CUX2: variants seen among roughly 807,000 people sequenced by gnomAD.
CUX2 encodes cut like homeobox 2.
CUX2 carries 40 observed loss-of-function variants against 144.8 expected under a neutral mutation model. The observed-to-expected ratio is 0.28, with a 90% CI of 0.21 to 0.36. The LOEUF (loss-of-function observed/expected upper bound fraction) is 0.36, where lower values mean the gene tolerates loss of function less well. CUX2 is among the 10% of genes least tolerant of loss of function. The pLI is 1.00. For missense variants in CUX2, 1,615 were observed against 1,994.0 expected, an observed-to-expected ratio of 0.81 and a Z score of 3.62; for synonymous variants, 827 against 875.6, an observed-to-expected ratio of 0.94 and a Z score of 0.98.
intron 1 of CUX2, among the ~76,000 whole-genome samples, chr12:111,138,598 C>G (rs1387548694): frequency 6.6e-6 from 1 of 152,120 alleles, no homozygotes; most frequent in Non-Finnish European, 1.5e-5. Flanking sequence ...TTAAGAATCC[C>G]CCATCCCTAC....
intron 3 of CUX2, among the ~76,000 whole-genome samples, chr12:111,222,834 T>C (rs1201702430): frequency 6.6e-6 from 1 of 152,170 alleles, no homozygotes; most frequent in Non-Finnish European, 1.5e-5. Flanking sequence ...GGAATTCGTG[T>C]GGCATGATCA....
chr12:111,100,193 G>GTGTGTGTGTA, intron 1 of CUX2: 1 of 391,590 alleles, frequency 2.6e-6, no homozygotes, highest in Middle Eastern at 7.6e-4. Flanking sequence ...GTGTGTGTGT[G>GTGTGTGTGTA]TGTGTGTGTA....
At chr12:111,083,158 A>G (rs1429125983) in intron 1 of CUX2, among the ~76,000 whole-genome samples, 1 of 152,136 alleles carries the variant, frequency 6.6e-6, no homozygotes, top group Middle Eastern at 3.2e-3. Context: ...ATTGGGGGTC[A>G]CGAGCGACCT....
chr12:111,238,038 CG>C (rs1882844929), intron 3 of CUX2, among the ~76,000 whole-genome samples: 1 of 152,212 alleles, frequency 6.6e-6, no homozygotes, highest in Non-Finnish European at 1.5e-5. Context: ...GATGTCCCCT[CG>C]GGGACCAAAT....
At chr12:111,141,421 C>T (rs758000560) in intron 1 of CUX2, among the ~76,000 whole-genome samples, 23 of 152,154 alleles carry the variant, frequency 1.5e-4, no homozygotes, top group Non-Finnish European at 3.4e-4. Flanking sequence ...GCTAACTCCT[C>T]GGACTAAACA....
intron 1 of CUX2, among the ~76,000 whole-genome samples, chr12:111,056,879 G>T (rs1218998335): frequency 6.6e-6 from 1 of 152,230 alleles, no homozygotes; most frequent in African/African-American, 2.4e-5. Flanking sequence ...GGCAGGAAGT[G>T]GCTGAGCAGG....
chr12:111,297,489 C>G (rs1298001499), intron 8 of CUX2, among the ~76,000 whole-genome samples: 1 of 152,226 alleles, frequency 6.6e-6, no homozygotes, highest in Non-Finnish European at 1.5e-5. Flanking sequence ...TGTCCTGGGA[C>G]CTGGGCTGAG....
intron 1 of CUX2, among the ~76,000 whole-genome samples, chr12:111,112,816 G>A (rs896823839): frequency 1.3e-5 from 2 of 152,102 alleles, no homozygotes; most frequent in African/African-American, 2.4e-5. Flanking sequence ...AACCCTTTTG[G>A]AATGTGGACA....
chr12:111,173,313 C>T (rs181503311), intron 1 of CUX2, among the ~76,000 whole-genome samples: 92 of 152,308 alleles, frequency 6.0e-4, no homozygotes, highest in African/African-American at 2.0e-3. Flanking sequence ...CAAATGGGGA[C>T]GGGGACAGGG....
chr12:111,271,337 C>T (rs952475384), intron 4 of CUX2, among the ~76,000 whole-genome samples: 2 of 152,140 alleles, frequency 1.3e-5, no homozygotes, highest in African/African-American at 4.8e-5. Context: ...TTTTCTTTTC[C>T]GTGATTTTTC....
chr12:111,248,319 C>T (rs1399225820), intron 3 of CUX2, among the ~76,000 whole-genome samples: 1 of 152,250 alleles, frequency 6.6e-6, no homozygotes, highest in African/African-American at 2.4e-5. Context: ...GTTCTTTCTC[C>T]ACCTAGGCAT....
intron 19 of CUX2, among the ~76,000 whole-genome samples, chr12:111,335,403 TCAGTC>T (rs1888306995): frequency 1.5e-5 from 2 of 137,128 alleles, no homozygotes; most frequent in African/African-American, 5.4e-5. Flanking sequence ...AAAAAAAAAA[TCAGTC>T]AATCAGTAAA....
chr12:111,339,880 C>G (rs1225907653), intron 20 of CUX2, among the ~76,000 whole-genome samples: 1 of 152,200 alleles, frequency 6.6e-6, no homozygotes, highest in African/African-American at 2.4e-5. Context: ...AATAAGAGAG[C>G]TGGCTGCTCT....
chr12:111,325,012 G>A (rs1275088510), intron 18 of CUX2, among the ~76,000 whole-genome samples: 15 of 151,502 alleles, frequency 9.9e-5, no homozygotes, highest in African/African-American at 3.2e-4. Flanking sequence ...CTGGCCGGGT[G>A]GGGTGCCTCA....
intron 1 of CUX2, among the ~76,000 whole-genome samples, chr12:111,058,703 G>T (rs781435318): frequency 3.3e-5 from 5 of 152,164 alleles, no homozygotes; most frequent in African/African-American, 4.8e-5. Flanking sequence ...GTTACAGGAA[G>T]GGGGTCCCGA....
intron 1 of CUX2, among the ~76,000 whole-genome samples, chr12:111,188,689 T>C (rs1239525630): frequency 6.6e-6 from 1 of 152,118 alleles, no homozygotes; most frequent in African/African-American, 2.4e-5. Flanking sequence ...CACACTCAGC[T>C]TGCTGGCCCT....
At chr12:111,142,230 G>T (rs1287988706) in intron 1 of CUX2, among the ~76,000 whole-genome samples, 2 of 152,120 alleles carry the variant, frequency 1.3e-5, no homozygotes, top group Non-Finnish European at 2.9e-5. Context: ...GCAAAGTATG[G>T]CCCCTCCAAT....
chr12:111,330,887 G>A (rs1210920833), intron 18 of CUX2, among the ~76,000 whole-genome samples: 1 of 150,348 alleles, frequency 6.7e-6, no homozygotes, highest in East Asian at 2.0e-4. Context: ...AGAAATTATA[G>A]CAAACTGTGA....
intron 3 of CUX2, 124 bp downstream of exon 3, chr12:111,218,061 A>G (rs925456779): frequency 7.6e-6 from 7 of 917,852 alleles, no homozygotes; most frequent in Admixed American, 2.0e-5. Flanking sequence ...CCCTGTCCCC[A>G]TTGCAAACTC....
Sources: allele counts gnomAD v4.1 joint callset (sites outside exome capture counted in the v4.1 genomes callset), GRCh38; gene constraint gnomAD v4.1.1; transcripts MANE v1.5; gene names NCBI Gene and HGNC (gene_info 2026-07-23, HGNC 2026-07-21).